PREP: variants seen among roughly 807,000 people sequenced by gnomAD.
PREP encodes prolyl endopeptidase.
A neutral mutation model predicts 87.6 loss-of-function variants in PREP; 29 were observed. The observed-to-expected ratio is 0.33, with a 90% CI of 0.25 to 0.45. The LOEUF is 0.45. PREP is among the 20% of genes least tolerant of loss of function. PREP has a pLI of 1.00. For synonymous variants in PREP, 337 were observed against 328.6 expected (o/e 1.03, Z -0.28); for missense variants, 695 against 886.5 (o/e 0.78, Z 2.74).
chr6:105,273,271 A>C lies in PREP; in HGVS notation c.*4873T>G, dbSNP rs1769863801. 6.6e-6 allele frequency: 1 copy of C among 152,152 alleles called. No homozygotes were observed. Among genetic ancestry groups the C allele is most frequent in the Non-Finnish European group, 1.5e-5 (1 of 68,044 alleles). The allele number at this position is 152,152 out of a possible 1,614,324, so 9.4% of individuals were successfully genotyped here. A position where few individuals can be genotyped will look rare whatever the true frequency, so the allele number is the denominator to read the frequency against. ...CAGAGATTATTTCGATAACATTATG[A>C]TTTACAAACCATAAAATTCATACAT... On this transcript the variant is annotated 3_prime_UTR_variant, in exon 15 of 15. Coordinates refer to ENST00000652536, the MANE Select transcript of PREP (RefSeq NM_002726.5).
rs112813617 is a variant in PREP, at chr6:105,373,926, C to T, written c.386-348G>A. ...GGACTTCTGTCATATTTCATTTATA[C>T]TCTAAAGGGAATAAGGAGAAAAAGG... is the stretch of plus-strand genomic sequence containing the variant. On this transcript the variant is annotated intron_variant, in intron 4 of 14. Coordinates refer to ENST00000652536, the MANE Select transcript of PREP (RefSeq NM_002726.5). 8.0e-3 allele frequency among the ~76,000 whole-genome samples: 1,219 copies of T among 152,284 alleles called. 18 individuals carry two copies. Among genetic ancestry groups the T allele is most frequent in the African/African-American group, 0.027 (1,105 of 41,558 alleles).
At chr6:105,402,814 G>C in intron 1 of PREP, 33 bp downstream of exon 1, 2 of 1,531,088 alleles carry the variant, frequency 1.3e-6, no homozygotes, top group South Asian at 2.4e-5. Context: ...ACCTTTGCCC[G>C]GGAGCCCTCT....
intron 10 of PREP, among the ~76,000 whole-genome samples, chr6:105,316,907 AGT>A (rs1770887192): frequency 6.6e-6 from 1 of 151,834 alleles, no homozygotes; most frequent in Admixed American, 6.6e-5. Flanking sequence ...TAGAAACTAT[AGT>A]TTTTAGAGGT....
At chr6:105,388,333 A>G (rs565160274) in intron 2 of PREP, among the ~76,000 whole-genome samples, 1 of 152,302 alleles carries the variant, frequency 6.6e-6, no homozygotes, top group African/African-American at 2.4e-5. Flanking sequence ...GTGAAAAGTG[A>G]CATTCCTGCC....
chr6:105,281,851 A>G lies in PREP; in HGVS notation c.1733T>C (p.Val578Ala), dbSNP rs1215396856. The G allele has an allele frequency of 7.4e-6, 12 of 1,614,078 alleles. No homozygotes were observed. In the Admixed American group the frequency reaches 8.3e-5, roughly 11 times the overall value. The change falls in exon 14 of 15, where the codon GTT becomes GCT. Residue 578 changes from valine to alanine, a missense_variant. By Grantham distance (64) the Val-to-Ala change is moderately conservative. Coordinates refer to ENST00000652536, the MANE Select transcript of PREP (RefSeq NM_002726.5). Reference protein sequence around the residue: ...PDLFGCVIAQVGVMDMLKFHK... With the variant: ...PDLFGCVIAQAGVMDMLKFHK... ...AAACTTCAGCATGTCCATTACTCCA[A>G]CTTGGGCAATAACACAACCAAAGAG...
Position 105,278,273 on chromosome 6 carries a change from G to C in PREP, c.2004C>G (p.Asn668Lys). 2 of 1,614,248 alleles carry C rather than the reference G, an allele frequency of 1.2e-6. No homozygotes were observed. Among genetic ancestry groups the C allele is most frequent in the East Asian group, 2.2e-5 (1 of 44,882 alleles). ...YIVGRSRKQS[N>K]PLLIHVDTKA... Reference sequence around the variant, plus strand: ...TGGTGTCCACGTGGATAAGCAGGGGGTTGCTTTGCTTCCTGCTGCGGCCCA... The same window carrying C: ...TGGTGTCCACGTGGATAAGCAGGGGCTTGCTTTGCTTCCTGCTGCGGCCCA... The change falls in exon 15 of 15, where the codon AAC becomes AAG. Residue 668 changes from asparagine (N) to lysine (K), a missense_variant. Physicochemically the swap from Asn to Lys is moderately conservative, Grantham distance 94. Transcript: ENST00000652536. This position sits in a 1 kb window ranked among gnomAD's most constrained non-coding sequence, Gnocchi z 4.2.
intron 7 of PREP, among the ~76,000 whole-genome samples, chr6:105,334,933 A>AT (rs1172648132): frequency 6.6e-6 from 1 of 152,148 alleles, no homozygotes; most frequent in Non-Finnish European, 1.5e-5. Flanking sequence ...TTATTGGCTT[A>AT]TTTTTTGTCT....
chr6:105,295,157 C>CTTTTTTTTTTCCTTT (rs1770381912), intron 10 of PREP, among the ~76,000 whole-genome samples: 1 of 132,588 alleles, frequency 7.5e-6, no homozygotes, highest in African/African-American at 2.7e-5. Context: ...CAATGTTTTC[C>CTTTTTTTTTTCCTTT]TTTTTTTTTT....
Position 105,371,500 on chromosome 6 carries a change from C to CAAAAAAAAAAAAAAAAAAAAA in PREP, c.595+1848_595+1868dup, listed in dbSNP as rs528772896. ...TGGGTGACACAGTGAGATTCCATCT[C>CAAAAAAAAAAAAAAAAAAAAA]AAAAAAAAAAAAAAAAAAAAAAAAA... On this transcript the variant is annotated intron_variant, in intron 5 of 14. Transcript: ENST00000652536. Among the ~76,000 whole-genome samples, 22 of 44,798 alleles carry CAAAAAAAAAAAAAAAAAAAAA rather than the reference C, an allele frequency of 4.9e-4. 1 individual carries two copies. Among genetic ancestry groups the CAAAAAAAAAAAAAAAAAAAAA allele is most frequent in the African/African-American group, 1.3e-3 (21 of 16,044 alleles). The allele number at this position is 44,798 out of a possible 152,430, so 29.4% of individuals were successfully genotyped here.
chr6:105,378,913 C>T (rs1203461365), intron 2 of PREP, among the ~76,000 whole-genome samples: 1 of 152,162 alleles, frequency 6.6e-6, no homozygotes, highest in African/African-American at 2.4e-5. Context: ...TTCAAATGTG[C>T]AACAATGCTT....
chr6:105,370,465 T>C (rs1772506788), intron 5 of PREP, among the ~76,000 whole-genome samples: 1 of 152,080 alleles, frequency 6.6e-6, no homozygotes, highest in Non-Finnish European at 1.5e-5. Flanking sequence ...TCTGGAAGTT[T>C]TGGAGGATTC....
chr6:105,275,876 A>T lies in PREP; in HGVS notation c.*2268T>A, dbSNP rs560906597. On this transcript the variant is annotated 3_prime_UTR_variant, in exon 15 of 15. Transcript: ENST00000652536. ...ATGTTCTCCACTCATGTGGGAGCTA[A>T]AAAAGCAGGCAGAGAAAGGGAGGAT... 6.6e-6 allele frequency among the ~76,000 whole-genome samples: 1 copy of T among 152,242 alleles called. No homozygotes were observed. The highest frequency in any genetic ancestry group is 2.4e-5 in the African/African-American group (1 of 41,462).
intron 7 of PREP, among the ~76,000 whole-genome samples, chr6:105,336,966 C>A (rs1583064139): frequency 6.7e-6 from 1 of 149,612 alleles, no homozygotes; most frequent in South Asian, 2.1e-4. Flanking sequence ...TGTTAATAAT[C>A]ATTTTTTTTT....
At chr6:105,369,081 TCCAC>T in intron 5 of PREP, 57 bp from the exon 6 acceptor site, 2 of 1,579,522 alleles carry the variant, frequency 1.3e-6, no homozygotes, top group Non-Finnish European at 1.7e-6. Context: ...GAAAATCAAT[TCCAC>T]CCATATTGCA....
At chr6:105,318,185 T>C (rs903740069) in intron 10 of PREP, among the ~76,000 whole-genome samples, 1 of 150,054 alleles carries the variant, frequency 6.7e-6, no homozygotes, top group Non-Finnish European at 1.5e-5. Flanking sequence ...GCTAGTCACA[T>C]TTTTTTTTTC....
intron 10 of PREP, among the ~76,000 whole-genome samples, chr6:105,300,466 TAA>T (rs1770510209): frequency 6.6e-6 from 1 of 152,226 alleles, no homozygotes; most frequent in Non-Finnish European, 1.5e-5. Context: ...ATTTCACAAA[TAA>T]AAAAATGCTT....
intron 10 of PREP, among the ~76,000 whole-genome samples, chr6:105,303,331 C>T (rs1406991336): frequency 6.6e-6 from 1 of 151,748 alleles, no homozygotes; most frequent in East Asian, 1.9e-4. Context: ...TCCCGAAGTG[C>T]TGGTGTGAAC....
chr6:105,275,812 G>GT lies in PREP; in HGVS notation c.*2331dup, dbSNP rs1335424729. On this transcript the variant is annotated 3_prime_UTR_variant, in exon 15 of 15. Coordinates refer to ENST00000652536, the MANE Select transcript of PREP (RefSeq NM_002726.5). ...ATGGATGGAACTGAAGGTCAATATG[G>GT]TAAGTGAAATAAGCCAGGCACAGGA... 6.6e-6 allele frequency among the ~76,000 whole-genome samples: 1 copy of GT among 152,204 alleles called. No individual in the cohort carries two copies. Among genetic ancestry groups the GT allele is most frequent in the Admixed American group, 6.5e-5 (1 of 15,274 alleles).
At chr6:105,380,294 G>C (rs976388531) in intron 2 of PREP, among the ~76,000 whole-genome samples, 1 of 152,178 alleles carries the variant, frequency 6.6e-6, no homozygotes, top group Non-Finnish European at 1.5e-5. Context: ...AACTTGGCAG[G>C]TGTGAAGAAG....
Sources: allele counts gnomAD v4.1 joint callset (sites outside exome capture counted in the v4.1 genomes callset), GRCh38; gene constraint gnomAD v4.1.1; non-coding constraint Gnocchi (gnomAD v3.1); transcripts MANE v1.5; gene names NCBI Gene and HGNC (gene_info 2026-07-23, HGNC 2026-07-21).